SLC35E1: variants seen among roughly 807,000 people sequenced by gnomAD.
SLC35E1 encodes the protein solute carrier family 35 member E1, also known as solute carrier family 35, member E1.
Under a neutral mutation model 31.0 loss-of-function variants are expected in SLC35E1, and 12 were observed. That is an observed-to-expected ratio of 0.39 (90% CI 0.25 to 0.63). SLC35E1 has a LOEUF of 0.63. Among genes scored for constraint, SLC35E1 ranks in the 20% least tolerant of loss-of-function variants. The pLI is 0.52. For missense variants in SLC35E1, 429 were observed against 572.2 expected (o/e 0.75, Z 2.55); for synonymous variants, 257 against 264.1 (o/e 0.97, Z 0.26).
At chr19:16,558,393 G>A (rs1484119189) in intron 4 of SLC35E1, among the ~76,000 whole-genome samples, 5 of 151,106 alleles carry the variant, frequency 3.3e-5, no homozygotes, top group East Asian at 2.0e-4. Context: ...TTGGAGTGCA[G>A]TGGCACGATC....
chr19:16,567,515 C>G (rs1047250481), intron 3 of SLC35E1, among the ~76,000 whole-genome samples: 1 of 152,152 alleles, frequency 6.6e-6, no homozygotes, highest in Non-Finnish European at 1.5e-5. Context: ...AATAAAAGAG[C>G]TTTTCTTTAT....
At chr19:16,566,378 C>A in intron 4 of SLC35E1, 154 bp downstream of exon 4, 1 of 950,662 alleles carries the variant, frequency 1.1e-6, no homozygotes, top group Non-Finnish European at 1.5e-6. Flanking sequence ...GCATCGTCAC[C>A]GTGAGGCATT....
intron 5 of SLC35E1, 27 bp from the exon 6 acceptor site, chr19:16,553,936 A>G (rs1201990516): frequency 1.3e-6 from 2 of 1,557,436 alleles, no homozygotes; most frequent in Admixed American, 1.9e-5. Flanking sequence ...GCAATGAGAC[A>G]GGACATGCCC....
At chr19:16,559,844 T>G (rs945279367) in intron 4 of SLC35E1, among the ~76,000 whole-genome samples, 2 of 152,174 alleles carry the variant, frequency 1.3e-5, no homozygotes, top group Non-Finnish European at 2.9e-5. Context: ...ACCTGGAATT[T>G]CCTGGGTCTT....
In SLC35E1 at chr19:16,555,456, T is replaced by G; in HGVS notation, c.757-59A>C. 3.8e-6 allele frequency: 6 copies of G among 1,585,770 alleles called. No homozygotes were observed. The highest frequency in any genetic ancestry group is 5.1e-6 in the Non-Finnish European group (6 of 1,166,178). On this transcript the variant is annotated intron_variant, in intron 4 of 5. Coordinates refer to ENST00000595753, the MANE Select transcript of SLC35E1 (RefSeq NM_024881.5). This position sits in a 1 kb window ranked among gnomAD's most constrained non-coding sequence, Gnocchi z 4.1. ...GTGGGCAGCGGTGACCCTGCCTCCC[T>G]GTATCCACCTGGCAGGGTTAGGGGA...
At chr19:16,554,122 C>T (rs557499897) in intron 5 of SLC35E1, among the ~76,000 whole-genome samples, 57 of 151,576 alleles carry the variant, frequency 3.8e-4, no homozygotes, top group African/African-American at 1.2e-3. Flanking sequence ...AAAAATTAAC[C>T]GGGTGTGGTG....
At position 16,571,554 on chromosome 19, in the gene SLC35E1, G is replaced by A. The variant is rs753602501; in HGVS notation, c.450C>T (p.Val150=). ...TVKATMPIWV[V]LLSRIIMKEK... ...CCTTCATAATGATCCGGGACAGGAG[G>A]ACCACCCAGATGGGCATGGTGGCCT... is the stretch of plus-strand genomic sequence containing the variant. The change falls in exon 2 of 6, where the codon GTC becomes GTT. Residue 150 remains valine (V), a synonymous_variant. Coordinates refer to ENST00000595753, the MANE Select transcript of SLC35E1 (RefSeq NM_024881.5). The A allele has an allele frequency of 8.1e-6, 13 of 1,613,974 alleles. 1 individual carries two copies. The South Asian group carries it at 1.3e-4, about 16-fold the overall frequency.
chr19:16,565,936 C>G (rs993576029), intron 4 of SLC35E1: 1 of 145,656 alleles, frequency 6.9e-6, no homozygotes, highest in African/African-American at 2.6e-5. Context: ...GATCTCTTAA[C>G]GCCAGGAGTT....
chr19:16,565,088 G>A (rs955949392), intron 4 of SLC35E1: 3 of 455,842 alleles, frequency 6.6e-6, no homozygotes, highest in Admixed American at 2.4e-5. Context: ...CCTCCTCACC[G>A]CAGGCACTTG....
intron 4 of SLC35E1, among the ~76,000 whole-genome samples, chr19:16,563,980 T>A (rs1485607564): frequency 6.6e-6 from 1 of 152,106 alleles, no homozygotes; most frequent in African/African-American, 2.4e-5. Context: ...ACAGCAAAGA[T>A]CTGGACTGTT....
At chr19:16,562,253 C>T (rs1481669684) in intron 4 of SLC35E1, among the ~76,000 whole-genome samples, 2 of 152,182 alleles carry the variant, frequency 1.3e-5, no homozygotes, top group African/African-American at 4.8e-5. Context: ...AGCTGTAACA[C>T]AGAACAGCAG....
chr19:16,554,028 G>A, intron 5 of SLC35E1, 119 bp from the exon 6 acceptor site: 1 of 817,782 alleles, frequency 1.2e-6, no homozygotes, highest in South Asian at 2.3e-5. Context: ...ACTTTGGGAG[G>A]TCGAGGCGGG....
rs913045182 is a variant in SLC35E1 at position 16,572,311 on chromosome 19, C to T, written c.54G>A (p.Ala18=). Residue 18 remains alanine (A), a synonymous_variant, in exon 1 of 6, where the codon GCG becomes GCA. Transcript: ENST00000595753. This position sits in a 1 kb window ranked among gnomAD's most constrained non-coding sequence, Gnocchi z 4.1. ...AGHGAGGPGA[A]SSSGGAREGA... ...CCTCGCGCGCCCCACCACTGCTGCT[C>T]GCTGCGCCCGGGCCCCCCGCGCCGT... The T allele has an allele frequency of 1.5e-6, 2 of 1,305,504 alleles. No homozygotes were observed. The highest frequency in any genetic ancestry group is 1.6e-5 in the African/African-American group (1 of 64,064). The allele number at this position is 1,305,504 out of a possible 1,614,324, so 80.9% of individuals were successfully genotyped here.
Position 16,553,804 on chromosome 19 carries a change from T to C in SLC35E1, c.1108A>G (p.Asn370Asp). 1 of 1,614,028 alleles carries C rather than the reference T, an allele frequency of 6.2e-7. No individual in the cohort carries two copies. Among genetic ancestry groups the C allele is most frequent in the Non-Finnish European group, 8.5e-7 (1 of 1,179,958 alleles). Residue 370 changes from asparagine to aspartate, a missense_variant, in exon 6 of 6, where the codon AAC becomes GAC. Asn to Asp is a conservative substitution (Grantham distance 23). Coordinates refer to ENST00000595753, the MANE Select transcript of SLC35E1 (RefSeq NM_024881.5). ...CCGTGCTGGGGGAAGAGGAGGCCGT[T>C]GTGGGGCTTCTCCAGTGGGCTCCGG... is the stretch of plus-strand genomic sequence containing the variant. ...RHRSPLEKPH[N>D]GLLFPQHGDY...
chr19:16,554,701 C>T (rs2085865973), intron 5 of SLC35E1, among the ~76,000 whole-genome samples: 1 of 151,792 alleles, frequency 6.6e-6, no homozygotes, highest in African/African-American at 2.4e-5. Flanking sequence ...GCCTGTAGTC[C>T]CAGCTACTCG....
chr19:16,555,514 G>T lies in SLC35E1; in HGVS notation c.757-117C>A. ...TGGAGGGGCTCATCTGGAGCCTCAT[G>T]GTCCACAGGCAGCCAGTCCAGATGT... On this transcript the variant is annotated intron_variant, in intron 4 of 5. Transcript: ENST00000595753. The surrounding 1 kb of genome is among the most constrained non-coding windows in gnomAD (Gnocchi z 4.1). The T allele has an allele frequency of 7.1e-7, 1 of 1,407,848 alleles. No homozygotes were observed. Among genetic ancestry groups the T allele is most frequent in the South Asian group, 1.4e-5 (1 of 71,630 alleles). 87.2% of individuals were successfully genotyped at this position (1,407,848 alleles called of 1,614,324 possible). A position where few individuals can be genotyped will look rare whatever the true frequency, so the allele number is the denominator to read the frequency against.
rs1457397824 is a variant in SLC35E1, at chr19:16,551,478, A to G, written c.*2201T>C. The stretch of plus-strand genomic sequence containing the variant: ...AAGTGATGTTACTTCCTCTCTGAAC[A>G]GGGAAACATCTCGCTCGCTGGGAGA... On this transcript the variant is annotated 3_prime_UTR_variant, in exon 6 of 6. Coordinates refer to ENST00000595753, the MANE Select transcript of SLC35E1 (RefSeq NM_024881.5). 1 of 152,194 alleles carries G rather than the reference A, an allele frequency of 6.6e-6. No homozygotes were observed. Among genetic ancestry groups the G allele is most frequent in the African/African-American group, 2.4e-5 (1 of 41,454 alleles). The allele number at this position is 152,194 out of a possible 1,614,324, so 9.4% of individuals were successfully genotyped here. A position where few individuals can be genotyped will look rare whatever the true frequency, so the allele number is the denominator to read the frequency against.
chr19:16,572,179 C>T lies in SLC35E1; in HGVS notation c.186G>A (p.Ser62=), dbSNP rs1191436033. The T allele has an allele frequency of 1.3e-6, 2 of 1,531,716 alleles. No individual in the cohort carries two copies. The highest frequency in any genetic ancestry group is 1.2e-5 in the South Asian group (1 of 82,188). The allele number at this position is 1,531,716 out of a possible 1,614,324, so 94.9% of individuals were successfully genotyped here. ...LSAFPFPVTV[S]LCHILALCAG... ...CGCACAGAGCCAGGATGTGGCACAG[C>T]GACACGGTCACCGGGAACGGGAAGG... The change falls in exon 1 of 6, where the codon TCG becomes TCA. Residue 62 remains serine (S), a synonymous_variant. Coordinates refer to ENST00000595753, the MANE Select transcript of SLC35E1 (RefSeq NM_024881.5). This position sits in a 1 kb window ranked among gnomAD's most constrained non-coding sequence, Gnocchi z 4.1.
At chr19:16,558,801 G>A (rs1221705997) in intron 4 of SLC35E1, among the ~76,000 whole-genome samples, 3 of 128,294 alleles carry the variant, frequency 2.3e-5, no homozygotes, top group Non-Finnish European at 3.2e-5. Flanking sequence ...ATGGACTCTC[G>A]CTCTGTCGCC....
Sources: allele counts gnomAD v4.1 joint callset (sites outside exome capture counted in the v4.1 genomes callset), GRCh38; gene constraint gnomAD v4.1.1; non-coding constraint Gnocchi (gnomAD v3.1); transcripts MANE v1.5; gene names NCBI Gene and HGNC (gene_info 2026-07-23, HGNC 2026-07-21).